PRIM2: variants seen among roughly 807,000 people sequenced by gnomAD.
PRIM2 encodes the protein DNA primase subunit 2.
In PRIM2, 39 loss-of-function variants were observed where a neutral mutation model predicts 67.3. The ratio of observed to expected loss-of-function variants is 0.58; its 90% CI spans 0.45 to 0.76. PRIM2 has a LOEUF of 0.76. PRIM2 is among the 30% of genes least tolerant of loss of function. The pLI is 0.00. For missense variants in PRIM2, 398 were observed against 598.7 expected (o/e 0.66, Z 3.50); for synonymous variants, 143 against 198.7 (o/e 0.72, Z 2.36).
At chr6:57,291,923 T>C in the PRIM2 span, among the ~76,000 whole-genome samples, 38 of 152,284 alleles carry the variant, frequency 2.5e-4, no homozygotes, top group Admixed American at 2.4e-3. Flanking sequence ...AGCATTCCCT[T>C]TGAAAACCAG....
chr6:57,450,442 C>T (rs1180820849), intron 7 of PRIM2, among the ~76,000 whole-genome samples: 3 of 152,186 alleles, frequency 2.0e-5, no homozygotes, highest in African/African-American at 7.2e-5. Flanking sequence ...TCTGAAGAAT[C>T]TTAGCATAAT....
At chr6:57,638,948 A>G (rs2127501071) in intron 13 of PRIM2, among the ~76,000 whole-genome samples, 1 of 152,304 alleles carries the variant, frequency 6.6e-6, no homozygotes, top group South Asian at 2.1e-4. Flanking sequence ...AATCAACAGA[A>G]TATACATTCT....
At chr6:57,579,354 A>C (rs1464174144) in intron 10 of PRIM2, among the ~76,000 whole-genome samples, 1 of 152,152 alleles carries the variant, frequency 6.6e-6, no homozygotes, top group Admixed American at 6.5e-5. Flanking sequence ...TGTCACAGTA[A>C]ATTAAAACTT....
chr6:57,386,025 A>T (rs4593367), intron 7 of PRIM2, among the ~76,000 whole-genome samples: 13 of 147,556 alleles, frequency 8.8e-5, no homozygotes, highest in South Asian at 4.3e-4. Flanking sequence ...TTATGTGTTT[A>T]GGAATGGAAT....
intron 7 of PRIM2, among the ~76,000 whole-genome samples, chr6:57,419,406 A>C (rs1395362878): frequency 6.6e-6 from 1 of 152,130 alleles, no homozygotes; most frequent in African/African-American, 2.4e-5. Context: ...GTTTCTTGTT[A>C]TTTCCAATTT....
At chr6:57,410,285 C>T (rs1252666628) in intron 7 of PRIM2, among the ~76,000 whole-genome samples, 1 of 145,844 alleles carries the variant, frequency 6.9e-6, no homozygotes, top group Admixed American at 7.0e-5. Context: ...GATTGCACCA[C>T]TGCACTTCAG....
the PRIM2 span, among the ~76,000 whole-genome samples, chr6:57,258,247 A>G: frequency 6.6e-6 from 1 of 151,892 alleles, no homozygotes; most frequent in East Asian, 1.9e-4. Flanking sequence ...TTCAGTCGCA[A>G]CTCCCTTTAG....
chr6:57,311,475 G>T (rs75899991), upstream of PRIM2, among the ~76,000 whole-genome samples: 1 of 151,202 alleles, frequency 6.6e-6, no homozygotes, highest in Non-Finnish European at 1.5e-5. Flanking sequence ...CAGACTGGGC[G>T]GCCGGGCAGA....
chr6:57,467,532 T>C (rs1773234193), intron 7 of PRIM2, among the ~76,000 whole-genome samples: 1 of 152,198 alleles, frequency 6.6e-6, no homozygotes, highest in Non-Finnish European at 1.5e-5. Context: ...ACTGTAGCCG[T>C]ATAGTATAGT....
chr6:57,320,808 G>T (rs1767630468), intron 3 of PRIM2, among the ~76,000 whole-genome samples: 1 of 152,166 alleles, frequency 6.6e-6, no homozygotes, highest in Non-Finnish European at 1.5e-5. Context: ...GGATTGTTCT[G>T]TGCACTGTAG....
chr6:57,561,472 A>G (rs1465277273), intron 10 of PRIM2, among the ~76,000 whole-genome samples: 1 of 152,170 alleles, frequency 6.6e-6, no homozygotes, highest in South Asian at 2.1e-4. Context: ...AGCTCAGGCA[A>G]TCCGTCCTCC....
At chr6:57,329,041 A>T (rs145124663) in intron 5 of PRIM2, among the ~76,000 whole-genome samples, 20 of 152,088 alleles carry the variant, frequency 1.3e-4, no homozygotes, top group African/African-American at 4.8e-4. Flanking sequence ...TATTCTGGAT[A>T]CAAGTCCATT....
At chr6:57,281,215 G>T in the PRIM2 span, among the ~76,000 whole-genome samples, 1 of 152,126 alleles carries the variant, frequency 6.6e-6, no homozygotes, top group Admixed American at 6.5e-5. Context: ...GAGTACTTTG[G>T]TTGATTCCAT....
intron 7 of PRIM2, among the ~76,000 whole-genome samples, chr6:57,482,349 T>C (rs2127406109): frequency 6.6e-6 from 1 of 152,250 alleles, no homozygotes; most frequent in South Asian, 2.1e-4. Flanking sequence ...TATATTTTTC[T>C]TGGGGAAGAG....
intron 10 of PRIM2, 80 bp downstream of exon 10, chr6:57,537,705 A>G (rs1185720654): frequency 8.0e-6 from 6 of 748,064 alleles, no homozygotes; most frequent in African/African-American, 1.8e-5. Context: ...TTTTTTTTTT[A>G]AATATGCTCC....
chr6:57,289,779 C>G, the PRIM2 span, among the ~76,000 whole-genome samples: 1 of 152,312 alleles, frequency 6.6e-6, no homozygotes, highest in Middle Eastern at 3.4e-3. Context: ...ACCACCAGGC[C>G]TGCCTTATAA....
At chr6:57,305,946 A>G in the PRIM2 span, among the ~76,000 whole-genome samples, 1 of 152,242 alleles carries the variant, frequency 6.6e-6, no homozygotes. Context: ...TGAAATGCCT[A>G]AAGCTGTGTG....
chr6:57,528,073 C>T (rs1384418147), intron 8 of PRIM2, among the ~76,000 whole-genome samples: 2 of 152,056 alleles, frequency 1.3e-5, no homozygotes, highest in African/African-American at 2.4e-5. Flanking sequence ...AAGCAATCCT[C>T]CCACCTCAGC....
the PRIM2 span, among the ~76,000 whole-genome samples, chr6:57,261,815 C>T: frequency 2.6e-5 from 4 of 152,220 alleles, no homozygotes; most frequent in Admixed American, 6.5e-5. Flanking sequence ...ATAGATCCTG[C>T]TGGTGGTCTG....
Sources: allele counts gnomAD v4.1 joint callset (sites outside exome capture counted in the v4.1 genomes callset), GRCh38; gene constraint gnomAD v4.1.1; transcripts MANE v1.5; gene names NCBI Gene and HGNC (gene_info 2026-07-23, HGNC 2026-07-21).